KIRREL2: variants seen among roughly 807,000 people sequenced by gnomAD.
KIRREL2 encodes the protein kin of IRRE-like protein 2.
A neutral mutation model predicts 73.4 loss-of-function variants in KIRREL2; 56 were observed. The observed-to-expected ratio is 0.76, with a 90% CI of 0.62 to 0.95. KIRREL2 has a LOEUF of 0.95. Ranked by LOEUF, KIRREL2 falls within the 40% of genes least tolerant of loss-of-function variation. KIRREL2 has a pLI of 0.00. For missense variants in KIRREL2, 896 were observed against 935.0 expected (o/e 0.96, Z 0.54); for synonymous variants, 407 against 404.0 (o/e 1.01, Z -0.09).
At chr19:35,860,431 C>T in intron 6 of KIRREL2, 29 bp downstream of exon 6, 2 of 1,609,106 alleles carry the variant, frequency 1.2e-6, no homozygotes, top group Non-Finnish European at 1.7e-6. Context: ...CTCTCCCCAG[C>T]CCCAAGAGTG....
At chr19:35,851,896 G>T, upstream of KIRREL2, 1 of 1,455,098 alleles carries the variant, frequency 6.9e-7, no homozygotes, top group Non-Finnish European at 9.4e-7. Context: ...GCGTCTGTCT[G>T]GCTTTCTCTG....
intron 4 of KIRREL2, 121 bp downstream of exon 4, chr19:35,858,985 T>C (rs956555584): frequency 3.1e-5 from 34 of 1,084,812 alleles, no homozygotes; most frequent in Non-Finnish European, 3.5e-5. Flanking sequence ...GGGTTTGGAC[T>C]CTTGAAATAT....
intron 13 of KIRREL2, among the ~76,000 whole-genome samples, chr19:35,863,384 A>G (rs1599869451): frequency 6.7e-6 from 1 of 150,090 alleles, no homozygotes; most frequent in Non-Finnish European, 1.5e-5. Flanking sequence ...TGATTGCACC[A>G]TGCACTCCAG....
chr19:35,858,867 C>G lies in KIRREL2; in HGVS notation c.522+3C>G. On this transcript the variant is annotated splice_donor_region_variant and intron_variant, in intron 4 of 14. Transcript: ENST00000360202. ...TGGATGGAGCCACCTTCCATCAGGTCAGGTCCAAATTCCTGTGCTAGCCTT... is the reference window on the plus strand; with the variant it reads ...TGGATGGAGCCACCTTCCATCAGGTGAGGTCCAAATTCCTGTGCTAGCCTT... 1 of 1,614,144 alleles carries G rather than the reference C, an allele frequency of 6.2e-7. No homozygotes were observed. Among genetic ancestry groups the G allele is most frequent in the Non-Finnish European group, 8.5e-7 (1 of 1,180,006 alleles).
rs749198343 is a variant in KIRREL2 at position 35,866,584 on chromosome 19, T to C, written c.*92T>C. ...AGCCAGGACAAGTTGGCGACCTTAC[T>C]CCTCCAAAACTGAACACAAGGGGAG... On this transcript the variant is annotated 3_prime_UTR_variant, in exon 15 of 15. Coordinates refer to ENST00000360202, the MANE Select transcript of KIRREL2 (RefSeq NM_199180.4). The C allele has an allele frequency of 7.0e-6, 11 of 1,575,090 alleles. No individual in the cohort carries two copies. The highest frequency in any genetic ancestry group is 1.4e-5 in the African/African-American group (1 of 73,412).
chr19:35,860,311 ACT>A lies in KIRREL2; in HGVS notation c.691_692del (p.Leu231ValfsTer56). The A allele has an allele frequency of 6.2e-7, 1 of 1,613,604 alleles. No homozygotes were observed. The highest frequency in any genetic ancestry group is 8.5e-7 in the Non-Finnish European group (1 of 1,179,842). On this transcript the variant is annotated frameshift_variant, in exon 6 of 15. Transcript: ENST00000360202. LOFTEE classifies it high-confidence loss of function. ...TLSLQYPPEV[T>X]LSASPHTVQE... is the part of the protein sequence containing the mutation. ...CACCCTCACAGACCCCCCAGAGGTG[ACT>A]CTGTCTGCTTCGCCACACACTGTGC...
rs1366985518 is a variant in KIRREL2 at position 35,861,111 on chromosome 19, C to T, written c.1057-11C>T. 5.6e-6 allele frequency: 9 copies of T among 1,607,206 alleles called. No homozygotes were observed. Among genetic ancestry groups the T allele is most frequent in the Non-Finnish European group, 7.6e-6 (9 of 1,177,604 alleles). ...ACAAATCCGGCTTCTGACGCCCCTT[C>T]CCTGTCGCAGGTGCTGGGCTCTGGA... On this transcript the variant is annotated splice_polypyrimidine_tract_variant and intron_variant, in intron 8 of 14. Coordinates refer to ENST00000360202, the MANE Select transcript of KIRREL2 (RefSeq NM_199180.4).
In KIRREL2 at chr19:35,857,092, G is replaced by A. The variant is rs377544251; in HGVS notation, c.-28G>A. 8.7e-6 allele frequency: 14 copies of A among 1,613,548 alleles called. No homozygotes were observed. The African/African-American group carries it at 1.2e-4, about 14-fold the overall frequency. On this transcript the variant is annotated 5_prime_UTR_variant, in exon 1 of 15. Coordinates refer to ENST00000360202, the MANE Select transcript of KIRREL2 (RefSeq NM_199180.4). ...AAGTTGACGGGAAGGCCAGTGCGAC[G>A]GCAAATCTCGTGAACCTTGGGGGAC...
Position 35,860,315 on chromosome 19 carries a change from T to C in KIRREL2, c.692T>C (p.Leu231Pro). The C allele has an allele frequency of 6.2e-7, 1 of 1,614,060 alleles. No homozygotes were observed. Among genetic ancestry groups the C allele is most frequent in the South Asian group, 1.1e-5 (1 of 91,082 alleles). Residue 231 changes from leucine to proline, a missense_variant, in exon 6 of 15, where the codon CTG (leucine) becomes CCG (proline). Leu to Pro is a moderately conservative substitution (Grantham distance 98, BLOSUM62 -3). Transcript: ENST00000360202. Reference sequence around the variant, plus strand: ...CTCACAGACCCCCCAGAGGTGACTCTGTCTGCTTCGCCACACACTGTGCAG... The same window carrying C: ...CTCACAGACCCCCCAGAGGTGACTCCGTCTGCTTCGCCACACACTGTGCAG... ...LSLQYPPEVT[L>P]SASPHTVQEG...
intron 4 of KIRREL2, 97 bp downstream of exon 4, chr19:35,858,961 G>A (rs987681628): frequency 1.7e-5 from 23 of 1,346,848 alleles, no homozygotes; most frequent in Non-Finnish European, 2.4e-5. Context: ...AGACATGGGA[G>A]GGCAGAGGTT....
Position 35,861,388 on chromosome 19 carries a change from T to C in KIRREL2, c.1189+134T>C. ...AGCGGGGGCTGGAGACCGGACCTAT[T>C]GAAGGCGAGGCTTTTAGGAGAATCG... On this transcript the variant is annotated intron_variant, in intron 9 of 14. Transcript: ENST00000360202. The C allele has an allele frequency of 3.4e-6, 5 of 1,474,150 alleles. No individual in the cohort carries two copies. The South Asian group carries it at 4.9e-5, about 14-fold the overall frequency. 91.3% of individuals were successfully genotyped at this position (1,474,150 alleles called of 1,614,324 possible).
chr19:35,860,484 C>A, intron 6 of KIRREL2, 35 bp from the exon 7 acceptor site: 1 of 1,602,898 alleles, frequency 6.2e-7, no homozygotes, highest in Non-Finnish European at 8.5e-7. Context: ...GCCAGAGAGG[C>A]CAGGACAACG....
At chr19:35,862,333 G>A (rs1973729035) in intron 11 of KIRREL2, among the ~76,000 whole-genome samples, 160 bp from the exon 12 acceptor site, 1 of 152,210 alleles carries the variant, frequency 6.6e-6, no homozygotes, top group Non-Finnish European at 1.5e-5. Flanking sequence ...AAGCCAGGGA[G>A]TTTAAACTCA....
chr19:35,851,632 G>C (rs1237846687), upstream of KIRREL2: 10 of 1,613,970 alleles, frequency 6.2e-6, no homozygotes, highest in Non-Finnish European at 7.6e-6. Flanking sequence ...GGGCCCAGAA[G>C]CCCCGGGGAA....
At chr19:35,859,353 C>G (rs1973563498) in intron 4 of KIRREL2, 128 bp from the exon 5 acceptor site, 4 of 778,812 alleles carry the variant, frequency 5.1e-6, no homozygotes, top group Non-Finnish European at 8.1e-6. Context: ...TTTTTTAGCT[C>G]ATCAGCTATC....
chr19:35,863,173 TGG>T, intron 13 of KIRREL2, 137 bp downstream of exon 13: 1 of 600,342 alleles, frequency 1.7e-6, no homozygotes, highest in Admixed American at 2.8e-5. Flanking sequence ...CTTTGGGAGG[TGG>T]AGACACAAGG....
At chr19:35,859,393 ATTCTTC>A in intron 4 of KIRREL2, 82 bp from the exon 5 acceptor site, 1 of 1,233,388 alleles carries the variant, frequency 8.1e-7, no homozygotes, top group South Asian at 1.4e-5. Context: ...GCCTAAGACA[ATTCTTC>A]TTCCAATGTG....
chr19:35,855,236 C>T (rs535717128), upstream of KIRREL2, among the ~76,000 whole-genome samples: 6 of 152,090 alleles, frequency 3.9e-5, no homozygotes, highest in South Asian at 1.2e-3. Context: ...GTCCTGGGGG[C>T]CCTCGCCAGA....
rs776012965 is a variant in KIRREL2, at chr19:35,861,877, C to T, written c.1363C>T (p.Pro455Ser). The T allele has an allele frequency of 7.5e-6, 12 of 1,596,354 alleles. No individual in the cohort carries two copies. The East Asian group carries it at 1.8e-4, about 24-fold the overall frequency. Reference protein sequence around the residue: ...GRFLVETFPAPESRGGLGPGL... With the variant: ...GRFLVETFPASESRGGLGPGL... The stretch of plus-strand genomic sequence containing the variant: ...GTTCCTGGTGGAGACATTCCCTGCC[C>T]CAGAGAGCCGCGGGGGACTGGGTCC... The change falls in exon 11 of 15, where the codon CCA becomes TCA. Residue 455 changes from proline to serine, a missense_variant. Pro to Ser is a moderately conservative substitution (Grantham distance 74). Coordinates refer to ENST00000360202, the MANE Select transcript of KIRREL2 (RefSeq NM_199180.4).
Sources: gnomAD v4.1 joint callset for allele counts (sites outside exome capture counted in the v4.1 genomes callset) on GRCh38, gnomAD v4.1.1 for gene constraint, MANE v1.5 for transcripts, NCBI Gene and HGNC (gene_info 2026-07-23, HGNC 2026-07-21) for gene names.